Variants in RBFOX1 observed in about 807,000 individuals in gnomAD.
RBFOX1 encodes RNA binding fox-1 homolog 1, also known as RNA binding protein fox-1 homolog 1.
RBFOX1 carries 8 observed loss-of-function variants against 57.7 expected under a neutral mutation model. The observed-to-expected ratio is 0.14, with a 90% CI of 0.08 to 0.25. The LOEUF is 0.25. RBFOX1 is among the 10% of genes least tolerant of loss of function. RBFOX1 has a pLI of 1.00. For synonymous variants in RBFOX1, 326 were observed against 222.4 expected, an observed-to-expected ratio of 1.47 and a Z score of -4.15; for missense variants, 611 against 548.5, an observed-to-expected ratio of 1.11 and a Z score of -1.14.
At chr16:5,382,902 T>C (rs1160108486) in intron 1 of RBFOX1, among the ~76,000 whole-genome samples, 1 of 152,236 alleles carries the variant, frequency 6.6e-6, no homozygotes, top group African/African-American at 2.4e-5. Flanking sequence ...CCTTTTATGA[T>C]GACGCAGAGA....
chr16:5,771,804 C>A (rs533386988), intron 3 of RBFOX1, among the ~76,000 whole-genome samples: 5 of 152,274 alleles, frequency 3.3e-5, no homozygotes, highest in African/African-American at 1.2e-4. Flanking sequence ...TGTGTGTGTG[C>A]ATGTGTAGTG....
intron 4 of RBFOX1, among the ~76,000 whole-genome samples, chr16:7,452,588 A>G (rs2057583634): frequency 6.6e-6 from 1 of 152,210 alleles, no homozygotes; most frequent in Admixed American, 6.5e-5. Context: ...TGATATCTTT[A>G]TTTATTCATG....
At chr16:7,704,413 C>T (rs2081763998) in intron 14 of RBFOX1, among the ~76,000 whole-genome samples, 1 of 152,178 alleles carries the variant, frequency 6.6e-6, no homozygotes, top group Admixed American at 6.5e-5. Flanking sequence ...CTAGAGTCCC[C>T]AGAAAGTTTT....
At chr16:6,558,166 G>T (rs1266835880) in intron 2 of RBFOX1, among the ~76,000 whole-genome samples, 1 of 152,178 alleles carries the variant, frequency 6.6e-6, no homozygotes, top group African/African-American at 2.4e-5. Flanking sequence ...AGCCTGGGAG[G>T]AGTGCGATAG....
At chr16:5,421,923 G>T (rs1032429098) in intron 1 of RBFOX1, among the ~76,000 whole-genome samples, 79 of 152,132 alleles carry the variant, frequency 5.2e-4, no homozygotes, top group African/African-American at 1.9e-3. Context: ...TTTTTTAGCT[G>T]TGTGAGTGTC....
intron 2 of RBFOX1, among the ~76,000 whole-genome samples, chr16:6,590,541 C>T (rs537832404): frequency 1.6e-4 from 25 of 152,116 alleles, no homozygotes; most frequent in Admixed American, 2.6e-4. Context: ...GAGCCCCCTG[C>T]GACTAGTTTG....
chr16:6,959,723 G>C (rs1370278423), intron 3 of RBFOX1, among the ~76,000 whole-genome samples: 6 of 152,054 alleles, frequency 3.9e-5, no homozygotes, highest in Admixed American at 2.0e-4. Flanking sequence ...GATCACCTGA[G>C]GTCAGGAGTT....
chr16:6,484,460 T>C (rs894790745), intron 2 of RBFOX1, among the ~76,000 whole-genome samples: 8 of 152,184 alleles, frequency 5.3e-5, no homozygotes, highest in African/African-American at 1.9e-4. Flanking sequence ...TACCATTTTA[T>C]GACATGGAAT....
intron 4 of RBFOX1, among the ~76,000 whole-genome samples, chr16:7,140,266 C>G (rs1396960147): frequency 6.1e-5 from 3 of 48,800 alleles, no homozygotes; most frequent in African/African-American, 2.1e-4. Flanking sequence ...TTTTAAATGG[C>G]TTTTTTTTTT....
intron 1 of RBFOX1, among the ~76,000 whole-genome samples, chr16:6,147,861 C>A (rs1460185655): frequency 6.6e-6 from 1 of 152,186 alleles, no homozygotes; most frequent in East Asian, 1.9e-4. Context: ...ATGTTTCTAC[C>A]TTCAAAATAA....
intron 1 of RBFOX1, among the ~76,000 whole-genome samples, chr16:6,269,551 T>C (rs2074956798): frequency 6.6e-6 from 1 of 152,198 alleles, no homozygotes; most frequent in Non-Finnish European, 1.5e-5. Flanking sequence ...AGATTTCTCA[T>C]CAGAAGCCAC....
chr16:6,866,981 A>G (rs1461614989), intron 3 of RBFOX1, among the ~76,000 whole-genome samples: 1 of 151,262 alleles, frequency 6.6e-6, no homozygotes, highest in African/African-American at 2.4e-5. Flanking sequence ...AGCATACAGA[A>G]AACCCTCTAG....
chr16:7,183,654 G>C (rs1489972516), intron 4 of RBFOX1, among the ~76,000 whole-genome samples: 1 of 152,194 alleles, frequency 6.6e-6, no homozygotes, highest in South Asian at 2.1e-4. Flanking sequence ...ACATGTATGA[G>C]AATACAGAAC....
intron 1 of RBFOX1, among the ~76,000 whole-genome samples, chr16:6,202,113 C>G (rs1567669329): frequency 6.6e-6 from 1 of 152,184 alleles, no homozygotes; most frequent in African/African-American, 2.4e-5. Flanking sequence ...GGGAGAAACA[C>G]ATAGCTATGT....
At chr16:5,894,000 G>A (rs1167510245) in intron 4 of RBFOX1, among the ~76,000 whole-genome samples, 1 of 152,098 alleles carries the variant, frequency 6.6e-6, no homozygotes, top group Non-Finnish European at 1.5e-5. Context: ...AGGGAATCAA[G>A]GCTGAAAGCT....
chr16:6,718,320 G>C (rs1473159567), intron 3 of RBFOX1, among the ~76,000 whole-genome samples: 1 of 152,216 alleles, frequency 6.6e-6, no homozygotes, highest in African/African-American at 2.4e-5. Context: ...CTTGTCTTTA[G>C]TAAATACACT....
intron 2 of RBFOX1, among the ~76,000 whole-genome samples, chr16:6,346,724 T>A (rs1409855650): frequency 6.6e-6 from 1 of 152,218 alleles, no homozygotes; most frequent in Non-Finnish European, 1.5e-5. Flanking sequence ...AAGAAATGCC[T>A]TTTTGAGGTT....
chr16:7,081,213 T>G (rs973328828), intron 4 of RBFOX1, among the ~76,000 whole-genome samples: 1 of 152,208 alleles, frequency 6.6e-6, no homozygotes, highest in Non-Finnish European at 1.5e-5. Flanking sequence ...GTTTGTATTT[T>G]TAGTGGAGGC....
At chr16:7,655,146 G>GAAAC (rs745475578) in intron 12 of RBFOX1, among the ~76,000 whole-genome samples, 18 of 152,072 alleles carry the variant, frequency 1.2e-4, no homozygotes, top group Non-Finnish European at 1.9e-4. Flanking sequence ...ATGACAAAAA[G>GAAAC]AAACACTTTT....
Sources: allele counts gnomAD v4.1 joint callset (sites outside exome capture counted in the v4.1 genomes callset), GRCh38; gene constraint gnomAD v4.1.1; transcripts MANE v1.5; gene names NCBI Gene and HGNC (gene_info 2026-07-23, HGNC 2026-07-21).